ADD3: variants seen among roughly 807,000 people sequenced by gnomAD.
ADD3 encodes adducin 3, also known as gamma-adducin.
In ADD3, 25 loss-of-function variants were observed where a neutral mutation model predicts 80.2. The observed-to-expected ratio is 0.31, with a 90% CI of 0.23 to 0.44. The LOEUF (loss-of-function observed/expected upper bound fraction) is 0.44, where lower values mean the gene tolerates loss of function less well. Ranked by LOEUF, ADD3 falls within the 20% of genes least tolerant of loss-of-function variation. The pLI is 1.00. For missense variants in ADD3, 829 were observed against 847.5 expected, an observed-to-expected ratio of 0.98 and a Z score of 0.27; for synonymous variants, 284 against 289.6, an observed-to-expected ratio of 0.98 and a Z score of 0.20.
At chr10:110,122,816 G>A (rs1327139123) in intron 9 of ADD3, among the ~76,000 whole-genome samples, 1 of 151,234 alleles carries the variant, frequency 6.6e-6, no homozygotes, top group Non-Finnish European at 1.5e-5. Flanking sequence ...ACTTTTTGTA[G>A]AGATAGGGTT....
At position 110,053,400 on chromosome 10, in the gene ADD3, GTC is replaced by G. The variant is rs377444769; in HGVS notation, c.-30+45103_-30+45104del. 3.3e-4 allele frequency among the ~76,000 whole-genome samples: 49 copies of G among 150,118 alleles called. 1 individual carries two copies. Among genetic ancestry groups the G allele is most frequent in the East Asian group, 2.5e-3 (13 of 5,180 alleles). ...TTTTTGGTTATAACTGTTAGAAACT[GTC>G]TATCTGGATTCTATAAAGGTCATCT... On this transcript the variant is annotated intron_variant, in intron 1 of 14. Coordinates refer to ENST00000356080, the MANE Select transcript of ADD3 (RefSeq NM_016824.5).
chr10:110,056,532 A>G (rs1858218142), intron 1 of ADD3, among the ~76,000 whole-genome samples: 1 of 152,218 alleles, frequency 6.6e-6, no homozygotes, highest in South Asian at 2.1e-4. Flanking sequence ...AGTAGGCATT[A>G]ATTTTTAGAA....
chr10:110,130,782 G>A (rs1053919642), intron 13 of ADD3, among the ~76,000 whole-genome samples: 2 of 151,882 alleles, frequency 1.3e-5, no homozygotes, highest in South Asian at 4.2e-4. Flanking sequence ...CTTGAACCTG[G>A]GAGGCAGAGG....
At chr10:110,042,980 A>G (rs937845993) in intron 1 of ADD3, among the ~76,000 whole-genome samples, 1 of 152,240 alleles carries the variant, frequency 6.6e-6, no homozygotes, top group Admixed American at 6.5e-5. Context: ...ATATTTTTAA[A>G]TAATGATCAC....
intron 1 of ADD3, among the ~76,000 whole-genome samples, chr10:110,029,015 G>T (rs1854661205): frequency 6.6e-6 from 1 of 152,084 alleles, no homozygotes; most frequent in Admixed American, 6.5e-5. Flanking sequence ...GAGTAGCTGG[G>T]ATTACAGGCA....
At chr10:110,104,266 C>A (rs1048999710) in intron 2 of ADD3, among the ~76,000 whole-genome samples, 1 of 152,222 alleles carries the variant, frequency 6.6e-6, no homozygotes, top group Non-Finnish European at 1.5e-5. Flanking sequence ...TTGATTAGGA[C>A]TCAGTCCTAC....
At chr10:110,004,090 A>G (rs528884800), upstream of ADD3, among the ~76,000 whole-genome samples, 51 of 152,284 alleles carry the variant, frequency 3.3e-4, no homozygotes, top group African/African-American at 1.2e-3. Flanking sequence ...GCTTTGAATT[A>G]TACAAATAAT....
chr10:110,107,865 A>G (rs954830581), intron 2 of ADD3, among the ~76,000 whole-genome samples: 3 of 152,134 alleles, frequency 2.0e-5, no homozygotes, highest in Admixed American at 6.6e-5. Flanking sequence ...ACACTTGAAG[A>G]TTTTAATTCC....
intron 1 of ADD3, among the ~76,000 whole-genome samples, chr10:110,079,743 G>A (rs1564940362): frequency 6.6e-6 from 1 of 152,034 alleles, no homozygotes; most frequent in Non-Finnish European, 1.5e-5. Flanking sequence ...GTTTCACCAT[G>A]TTGGCCGGGC....
rs1352786040 is a variant in ADD3, at chr10:110,085,518, T to G, written c.-29-15107T>G. On this transcript the variant is annotated intron_variant, in intron 1 of 14. Coordinates refer to ENST00000356080, the MANE Select transcript of ADD3 (RefSeq NM_016824.5). The stretch of plus-strand genomic sequence containing the variant: ...CAAACTGTAGCACATAGGCAGAGTT[T>G]AGGGACAGGGAATTTTTGGCAAAGG... Among the ~76,000 whole-genome samples, 4 of 152,106 alleles carry G rather than the reference T, an allele frequency of 2.6e-5. No homozygotes were observed. The East Asian group carries it at 7.7e-4, about 29-fold the overall frequency.
chr10:110,046,691 C>G (rs1195969332), intron 1 of ADD3, among the ~76,000 whole-genome samples: 3 of 152,080 alleles, frequency 2.0e-5, no homozygotes, highest in African/African-American at 4.8e-5. Context: ...TCCTCATCTA[C>G]AAGATGGAGG....
chr10:110,126,978 A>G (rs1852252689), intron 12 of ADD3, among the ~76,000 whole-genome samples: 1 of 152,252 alleles, frequency 6.6e-6, no homozygotes, highest in Non-Finnish European at 1.5e-5. Flanking sequence ...AAAAGAGAAA[A>G]AACACTGCCA....
chr10:110,094,044 A>G (rs1361415206), intron 1 of ADD3, among the ~76,000 whole-genome samples: 1 of 152,182 alleles, frequency 6.6e-6, no homozygotes, highest in African/African-American at 2.4e-5. Context: ...TTTGGTATTT[A>G]GGTCAAATAA....
intron 1 of ADD3, among the ~76,000 whole-genome samples, chr10:110,085,323 T>G (rs1362034919): frequency 6.6e-6 from 1 of 152,182 alleles, no homozygotes; most frequent in Non-Finnish European, 1.5e-5. Flanking sequence ...TTTCTAAAGT[T>G]CATAATTATA....
At chr10:110,096,851 G>A (rs145147931) in intron 1 of ADD3, among the ~76,000 whole-genome samples, 14 of 152,248 alleles carry the variant, frequency 9.2e-5, no homozygotes, top group Admixed American at 2.6e-4. Context: ...TTTGAAAAAC[G>A]ATGTACCACA....
chr10:110,099,698 T>C (rs1848586205), intron 1 of ADD3, among the ~76,000 whole-genome samples: 1 of 152,182 alleles, frequency 6.6e-6, no homozygotes, highest in African/African-American at 2.4e-5. Flanking sequence ...TAAACATGCA[T>C]GTTGGATAGT....
chr10:110,034,317 G>T (rs1432154078), intron 1 of ADD3, among the ~76,000 whole-genome samples: 1 of 151,928 alleles, frequency 6.6e-6, no homozygotes, highest in Non-Finnish European at 1.5e-5. Flanking sequence ...GTATGTCTTT[G>T]AATTGATATT....
intron 1 of ADD3, among the ~76,000 whole-genome samples, chr10:110,062,034 C>G (rs1416407796): frequency 2.0e-5 from 3 of 151,716 alleles, no homozygotes; most frequent in Admixed American, 6.6e-5. Context: ...CGAGGCTAGC[C>G]TGGGCAACAG....
intron 12 of ADD3, among the ~76,000 whole-genome samples, chr10:110,128,208 TAA>T (rs1852439335): frequency 6.6e-6 from 1 of 151,874 alleles, no homozygotes; most frequent in Admixed American, 6.6e-5. Context: ...GGAAGTTTTT[TAA>T]AAGTGTTTCT....
Sources: allele counts gnomAD v4.1 joint callset (sites outside exome capture counted in the v4.1 genomes callset), GRCh38; gene constraint gnomAD v4.1.1; transcripts MANE v1.5; gene names NCBI Gene and HGNC (gene_info 2026-07-23, HGNC 2026-07-21).